The following ACOT11 variants were observed in gnomAD, a reference collection of about 807,000 sequenced individuals.
The protein encoded by ACOT11 is acyl-coenzyme A thioesterase 11.
Under a neutral mutation model 77.5 loss-of-function variants are expected in ACOT11, and 69 were observed. The observed-to-expected ratio is 0.89, with a 90% CI of 0.73 to 1.09. The LOEUF (loss-of-function observed/expected upper bound fraction) is 1.09. Among genes scored for constraint, ACOT11 ranks in the 50% least tolerant of loss-of-function variants. The probability of loss-of-function intolerance (pLI) is 0.00; values close to 1 mark genes in which losing one functional copy is unlikely to be tolerated. For synonymous variants in ACOT11, 279 were observed against 313.0 expected (o/e 0.89, Z 1.15); for missense variants, 766 against 813.7 (o/e 0.94, Z 0.71).
At chr1:54,572,148 C>G (rs774779981) in intron 1 of ACOT11, among the ~76,000 whole-genome samples, 1 of 151,940 alleles carries the variant, frequency 6.6e-6, no homozygotes, top group African/African-American at 2.4e-5. Context: ...CTGTTTTTCT[C>G]TCGCTCTGAC....
intron 8 of ACOT11, 77 bp downstream of exon 8, chr1:54,599,492 C>T: frequency 7.1e-7 from 1 of 1,402,180 alleles, no homozygotes; most frequent in Non-Finnish European, 9.5e-7. Context: ...GACCCTACTT[C>T]AAACTGTCCA....
In ACOT11 at chr1:54,564,097, T is replaced by C. The variant is rs968962549; in HGVS notation, c.33+15755T>C. Among the ~76,000 whole-genome samples the C allele has an allele frequency of 9.8e-5, 14 of 142,364 alleles. No individual in the cohort carries two copies. The South Asian group carries it at 1.3e-3, about 14-fold the overall frequency. 93.4% of individuals were successfully genotyped at this position (142,364 alleles called of 152,430 possible). ...AAAAAAAAAAATTAGCCAGGTGTGG[T>C]GGTGCGTGCCTGTAGTCTCAGCTAC... On this transcript the variant is annotated intron_variant, in intron 1 of 15. Transcript: ENST00000343744.
intron 1 of ACOT11, among the ~76,000 whole-genome samples, chr1:54,564,015 G>A (rs1449004743): frequency 1.3e-5 from 2 of 150,994 alleles, no homozygotes; most frequent in East Asian, 1.9e-4. Flanking sequence ...GCAGTGAGCC[G>A]AGATTGTGCC....
At chr1:54,581,708 C>T (rs1654314996) in intron 1 of ACOT11, among the ~76,000 whole-genome samples, 1 of 152,172 alleles carries the variant, frequency 6.6e-6, no homozygotes, top group South Asian at 2.1e-4. Context: ...CCCCGCCACC[C>T]TGGTAGCTCT....
At chr1:54,558,833 ATGT>A (rs1653361876) in intron 1 of ACOT11, among the ~76,000 whole-genome samples, 1 of 152,266 alleles carries the variant, frequency 6.6e-6, no homozygotes, top group South Asian at 2.1e-4. Flanking sequence ...GCTGTGGGTC[ATGT>A]TGTCTTGCCT....
intron 6 of ACOT11, among the ~76,000 whole-genome samples, chr1:54,594,942 A>G (rs528414312): frequency 1.8e-4 from 28 of 152,376 alleles, no homozygotes; most frequent in African/African-American, 6.7e-4. Context: ...TGTTGGCCAC[A>G]AAACGCATTT....
chr1:54,614,763 C>T (rs1221473600), downstream of ACOT11: 5 of 1,614,090 alleles, frequency 3.1e-6, no homozygotes, highest in South Asian at 4.4e-5. Flanking sequence ...AGCGTTGATC[C>T]ATATGGGCCG....
intron 1 of ACOT11, among the ~76,000 whole-genome samples, chr1:54,576,187 C>T (rs1654108443): frequency 6.6e-6 from 1 of 152,142 alleles, no homozygotes; most frequent in Non-Finnish European, 1.5e-5. Context: ...GTTGAGTTGT[C>T]TCTTTGGAAG....
At chr1:54,556,242 G>A (rs1653255383) in intron 1 of ACOT11, among the ~76,000 whole-genome samples, 1 of 152,160 alleles carries the variant, frequency 6.6e-6, no homozygotes. Flanking sequence ...TGGTCTATAT[G>A]TCTGTCTGTT....
At chr1:54,587,791 G>T (rs1654559961) in intron 3 of ACOT11, among the ~76,000 whole-genome samples, 1 of 151,544 alleles carries the variant, frequency 6.6e-6, no homozygotes, top group Non-Finnish European at 1.5e-5. Context: ...CGAACTCCTG[G>T]CCTCAAGTGA....
At chr1:54,634,272 T>C (rs945396191) in intron 16 of ACOT11, among the ~76,000 whole-genome samples, 3 of 152,224 alleles carry the variant, frequency 2.0e-5, no homozygotes, top group Non-Finnish European at 4.4e-5. Context: ...CTCCCTAAAA[T>C]AACTAAATTT....
At chr1:54,626,616 G>GGCCTATCT (rs1386505128) in intron 15 of ACOT11, among the ~76,000 whole-genome samples, 4 of 79,434 alleles carry the variant, frequency 5.0e-5, no homozygotes, top group African/African-American at 1.3e-4. Context: ...GCTGACTGTG[G>GGCCTATCT]GCCTATCTGC....
intron 1 of ACOT11, among the ~76,000 whole-genome samples, chr1:54,583,086 C>T (rs1428915991): frequency 6.6e-6 from 1 of 152,114 alleles, no homozygotes; most frequent in Admixed American, 6.5e-5. Flanking sequence ...GTTACCATGG[C>T]GATGGGTCCT....
At chr1:54,603,757 C>A in intron 10 of ACOT11, 114 bp from the exon 11 acceptor site, 1 of 968,702 alleles carries the variant, frequency 1.0e-6, no homozygotes, top group South Asian at 1.4e-5. Flanking sequence ...AGACAGGAGT[C>A]TCCCATTCTG....
chr1:54,611,160 C>T (rs904490554), downstream of ACOT11: 18 of 519,322 alleles, frequency 3.5e-5, no homozygotes, highest in African/African-American at 3.5e-4. Context: ...GTGGGTCAGG[C>T]AGGTGGCTCA....
chr1:54,610,389 CG>C (rs756770476), downstream of ACOT11: 3 of 1,608,614 alleles, frequency 1.9e-6, no homozygotes, highest in African/African-American at 1.3e-5. Context: ...CTGGGAGCAC[CG>C]GGGCTGAAGG....
intron 1 of ACOT11, among the ~76,000 whole-genome samples, chr1:54,553,958 G>A (rs931173119): frequency 2.0e-5 from 3 of 152,078 alleles, no homozygotes; most frequent in Admixed American, 6.6e-5. Flanking sequence ...CGGATCGCTT[G>A]AGCTCAGGAC....
chr1:54,613,031 G>A (rs1455055193), downstream of ACOT11, among the ~76,000 whole-genome samples: 3 of 152,048 alleles, frequency 2.0e-5, no homozygotes, highest in Non-Finnish European at 2.9e-5. Flanking sequence ...CCCAGCGTGT[G>A]GGAATCTGAG....
downstream of ACOT11, among the ~76,000 whole-genome samples, chr1:54,613,975 A>G (rs1655526): frequency 0.81 from 122,761 of 152,166 alleles, 52,155 homozygotes; most frequent in Non-Finnish European, 0.95. Flanking sequence ...TTAATAAAAT[A>G]AAAGTAATAC....
Sources: gnomAD v4.1 joint callset for allele counts (sites outside exome capture counted in the v4.1 genomes callset) on GRCh38, gnomAD v4.1.1 for gene constraint, MANE v1.5 for transcripts, NCBI Gene and HGNC (gene_info 2026-07-23, HGNC 2026-07-21) for gene names.